The following ANK1 variants were observed in gnomAD, a reference collection of about 807,000 sequenced individuals.
The protein encoded by ANK1 is ankyrin-1.
ANK1 carries 51 observed loss-of-function variants against 210.4 expected under a neutral mutation model. That is an observed-to-expected ratio of 0.24 (90% CI 0.19 to 0.31). The LOEUF is 0.31. Ranked by LOEUF, ANK1 falls within the 10% of genes least tolerant of loss-of-function variation. The probability of loss-of-function intolerance (pLI) is 1.00; values close to 1 mark genes in which losing one functional copy is unlikely to be tolerated. For missense variants in ANK1, 2,051 were observed against 2,504.4 expected, an observed-to-expected ratio of 0.82 and a Z score of 3.86; for synonymous variants, 967 against 1,025.9, an observed-to-expected ratio of 0.94 and a Z score of 1.10.
chr8:41,724,644 C>A lies in ANK1; in HGVS notation c.613-90G>T, dbSNP rs73619361. The A allele has an allele frequency of 1.3e-3, 1,570 of 1,204,022 alleles. 14 individuals carry two copies. The African/African-American group carries it at 0.021, about 16-fold the overall frequency. 74.6% of individuals were successfully genotyped at this position (1,204,022 alleles called of 1,614,324 possible). A position where few individuals can be genotyped will look rare whatever the true frequency, so the allele number is the denominator to read the frequency against. On this transcript the variant is annotated intron_variant, in intron 6 of 42. Transcript: ENST00000289734. ...TGGGATGCAGGAAACTCAGGTGGGG[C>A]AACAGGACTTTACAGACAAAGGAGA...
intron 1 of ANK1, among the ~76,000 whole-genome samples, chr8:41,845,588 A>G (rs1255468897): frequency 1.3e-5 from 2 of 151,902 alleles, no homozygotes; most frequent in Non-Finnish European, 2.9e-5. Context: ...GGGGGTCTGG[A>G]TCATGAAACA....
At chr8:41,858,415 T>C (rs1055468913) in intron 1 of ANK1, among the ~76,000 whole-genome samples, 1 of 151,586 alleles carries the variant, frequency 6.6e-6, no homozygotes, top group Non-Finnish European at 1.5e-5. Flanking sequence ...CCAAATCATC[T>C]ACCCAAGCAC....
At chr8:41,779,637 AT>A (rs35603158) in intron 1 of ANK1, among the ~76,000 whole-genome samples, 41,241 of 152,028 alleles carry the variant, frequency 0.27, 6,049 homozygotes, top group Non-Finnish European at 0.32. Context: ...AATCAATAGC[AT>A]TTTAGGAGGT....
At chr8:41,768,408 G>T (rs1586820510) in intron 1 of ANK1, among the ~76,000 whole-genome samples, 1 of 152,212 alleles carries the variant, frequency 6.6e-6, no homozygotes, top group Admixed American at 6.5e-5. Flanking sequence ...ACAGCTGCGC[G>T]TTGGTGAGGA....
At chr8:41,840,117 G>A (rs1312107173) in intron 1 of ANK1, 2 of 151,894 alleles carry the variant, frequency 1.3e-5, no homozygotes, top group Admixed American at 6.5e-5. Flanking sequence ...TCACAAGCAC[G>A]ATCCCACTAC....
At chr8:41,716,476 C>T (rs1418845705) in intron 13 of ANK1, among the ~76,000 whole-genome samples, 7 of 152,096 alleles carry the variant, frequency 4.6e-5, no homozygotes, top group Admixed American at 3.9e-4. Flanking sequence ...CTAAGGAGAA[C>T]CCATCGTGGC....
intron 1 of ANK1, among the ~76,000 whole-genome samples, chr8:41,759,071 A>C (rs1337189092): frequency 6.6e-6 from 1 of 152,162 alleles, no homozygotes; most frequent in Non-Finnish European, 1.5e-5. Flanking sequence ...TGTGCTGTCA[A>C]GTAAACAGCA....
intron 1 of ANK1, among the ~76,000 whole-genome samples, chr8:41,845,527 G>A (rs1364416047): frequency 6.6e-6 from 1 of 152,086 alleles, no homozygotes; most frequent in East Asian, 1.9e-4. Context: ...AGGCCAATGG[G>A]ACTGACCATG....
chr8:41,797,456 T>A lies in ANK1; in HGVS notation c.27+56A>T. ...TCGCGTGCTGCCTACTGGCGCGGCC[T>A]GGGTGGCCCCCTCCTGACATCTCCC... On this transcript the variant is annotated intron_variant, in intron 1 of 42. Coordinates refer to ENST00000289734, the MANE Select transcript of ANK1 (RefSeq NM_000037.4). The surrounding 1 kb of genome is among the most constrained non-coding windows in gnomAD (Gnocchi z 4.0). The A allele has an allele frequency of 1.3e-6, 2 of 1,537,980 alleles. No homozygotes were observed. Among genetic ancestry groups the A allele is most frequent in the Non-Finnish European group, 1.8e-6 (2 of 1,120,446 alleles).
At chr8:41,883,211 T>G (rs745827359) in intron 1 of ANK1, among the ~76,000 whole-genome samples, 54 of 152,140 alleles carry the variant, frequency 3.5e-4, no homozygotes, top group Admixed American at 1.3e-4. Flanking sequence ...CACAACATGG[T>G]CAGCATGGGG....
intron 1 of ANK1, among the ~76,000 whole-genome samples, chr8:41,766,956 C>T (rs568685774): frequency 7.2e-5 from 11 of 152,208 alleles, no homozygotes; most frequent in Middle Eastern, 3.4e-3. Flanking sequence ...TGAATCTACC[C>T]GGCCAGGCTG....
At chr8:41,763,889 C>CTTTTTTTTTTTTTTTTTTTTTTTTTTTTT (rs869100297) in intron 1 of ANK1, among the ~76,000 whole-genome samples, 38 of 57,818 alleles carry the variant, frequency 6.6e-4, no homozygotes, top group East Asian at 1.2e-3. Context: ...TTCTTTTTTT[C>CTTTTTTTTTTTTTTTTTTTTTTTTTTTTT]TTTTTTTTTT....
intron 18 of ANK1, among the ~76,000 whole-genome samples, chr8:41,705,236 G>A (rs951426058): frequency 1.3e-5 from 2 of 152,318 alleles, no homozygotes; most frequent in Admixed American, 1.3e-4. Flanking sequence ...AGATTCCAGA[G>A]ACCACCCAAG....
intron 1 of ANK1, among the ~76,000 whole-genome samples, chr8:41,833,505 CA>C (rs2150799206): frequency 6.6e-6 from 1 of 152,312 alleles, no homozygotes; most frequent in African/African-American, 2.4e-5. Context: ...AAGGTTGATG[CA>C]ACAAGGATAA....
intron 1 of ANK1, among the ~76,000 whole-genome samples, chr8:41,836,061 C>T (rs1477542563): frequency 1.3e-5 from 2 of 152,142 alleles, no homozygotes; most frequent in South Asian, 2.1e-4. Flanking sequence ...ATGTTCAGGT[C>T]GGGGTGGCGA....
intron 1 of ANK1, among the ~76,000 whole-genome samples, chr8:41,891,402 G>C (rs76896857): frequency 0.053 from 8,127 of 152,224 alleles, 541 homozygotes; most frequent in African/African-American, 0.14. Context: ...CGTGTCCCCT[G>C]CCCAGGGAGG....
At chr8:41,714,134 T>C (rs774035316) in intron 16 of ANK1, 22 bp downstream of exon 16, 3 of 1,326,242 alleles carry the variant, frequency 2.3e-6, no homozygotes, top group Non-Finnish European at 1.9e-6. Context: ...CAGGGGCAGC[T>C]GGGGAGAGGG....
At chr8:41,703,591 C>T (rs1257007665) in intron 20 of ANK1, among the ~76,000 whole-genome samples, 3 of 150,880 alleles carry the variant, frequency 2.0e-5, no homozygotes, top group African/African-American at 7.3e-5. Flanking sequence ...TCAGGCTATC[C>T]TCCCACTTCA....
At chr8:41,827,945 C>T (rs1205101379) in intron 1 of ANK1, among the ~76,000 whole-genome samples, 1 of 152,176 alleles carries the variant, frequency 6.6e-6, no homozygotes, top group Non-Finnish European at 1.5e-5. Context: ...CTCACACATG[C>T]ATACACAGAT....
Sources: allele counts gnomAD v4.1 joint callset (sites outside exome capture counted in the v4.1 genomes callset), GRCh38; gene constraint gnomAD v4.1.1; non-coding constraint Gnocchi (gnomAD v3.1); transcripts MANE v1.5; gene names NCBI Gene and HGNC (gene_info 2026-07-23, HGNC 2026-07-21).